Variants in EMSY observed in about 807,000 individuals in gnomAD.
The protein encoded by EMSY is BRCA2-interacting transcriptional repressor EMSY.
In EMSY, 26 loss-of-function variants were observed where a neutral mutation model predicts 134.6. That is an observed-to-expected ratio of 0.19 (90% CI 0.14 to 0.27). The LOEUF is 0.27. EMSY is among the 10% of genes least tolerant of loss of function. The pLI is 1.00. For missense variants in EMSY, 1,305 were observed against 1,611.4 expected (o/e 0.81, Z 3.26); for synonymous variants, 579 against 577.8 (o/e 1.00, Z -0.03).
At chr11:76,495,820 T>C (rs920450077) in intron 8 of EMSY, among the ~76,000 whole-genome samples, 1 of 152,188 alleles carries the variant, frequency 6.6e-6, no homozygotes, top group African/African-American at 2.4e-5. Context: ...GAAAAATATA[T>C]AACATATAAA....
At chr11:76,544,889 A>G (rs1951585247) in intron 19 of EMSY, 67 bp downstream of exon 20, 2 of 1,500,902 alleles carry the variant, frequency 1.3e-6, no homozygotes, top group African/African-American at 2.8e-5. Flanking sequence ...TGAGAACATC[A>G]CGACCCTATC....
intron 20 of EMSY, among the ~76,000 whole-genome samples, chr11:76,546,631 T>G (rs1349675766): frequency 6.6e-6 from 1 of 152,108 alleles, no homozygotes; most frequent in African/African-American, 2.4e-5. Flanking sequence ...GATAGGAAGT[T>G]TCTGGGTTCA....
At chr11:76,474,115 C>CAAAAAAAA (rs11407539) in intron 8 of EMSY, among the ~76,000 whole-genome samples, 1 of 128,680 alleles carries the variant, frequency 7.8e-6, no homozygotes. Flanking sequence ...GACCCTGTCT[C>CAAAAAAAA]AAAAAAAAAA....
chr11:76,480,023 A>G (rs549227181), intron 8 of EMSY, among the ~76,000 whole-genome samples: 6 of 152,228 alleles, frequency 3.9e-5, no homozygotes, highest in Non-Finnish European at 5.9e-5. Context: ...AGTTTTAAAA[A>G]TTTGTGGTGA....
rs555032673 is a variant in EMSY at position 76,540,684 on chromosome 11, G to A, written c.2557+1044G>A. On this transcript the variant is annotated intron_variant, in intron 17 of 20. Coordinates refer to ENST00000334736, the Ensembl canonical transcript of EMSY. The stretch of plus-strand genomic sequence containing the variant: ...AATACATAAATGGCATTTTTACATT[G>A]ATTTCCATAGTGATCATCTTACTCT... Among the ~76,000 whole-genome samples, 3 of 152,204 alleles carry A rather than the reference G, an allele frequency of 2.0e-5. No individual in the cohort carries two copies. In the East Asian group the frequency reaches 5.8e-4, roughly 29 times the overall value.
At chr11:76,511,853 G>T (rs1026751800) in intron 9 of EMSY, among the ~76,000 whole-genome samples, 2 of 151,924 alleles carry the variant, frequency 1.3e-5, no homozygotes, top group Non-Finnish European at 2.9e-5. Flanking sequence ...TGTTCATTAT[G>T]AACTTTACAG....
At chr11:76,530,246 G>A (rs1031334640) in intron 14 of EMSY, among the ~76,000 whole-genome samples, 12 of 139,910 alleles carry the variant, frequency 8.6e-5, no homozygotes, top group South Asian at 4.7e-4. Context: ...TGCAACCTCC[G>A]TCTCCTGGGT....
In EMSY at chr11:76,510,672, G is replaced by A. The variant is rs116018666; in HGVS notation, c.1364-2714G>A. ...AGCTTTGTCCACAAACTGGGGGCTG[G>A]GCAGAATAAGAGAGCTCTCACATCC... On this transcript the variant is annotated intron_variant, in intron 9 of 20. Transcript: ENST00000334736. Among the ~76,000 whole-genome samples, 714 of 152,294 alleles carry A rather than the reference G, an allele frequency of 4.7e-3. 4 individuals carry two copies. The highest frequency in any genetic ancestry group is 0.016 in the African/African-American group (667 of 41,562).
chr11:76,544,208 A>C, intron 18 of EMSY, 51 bp from the exon 20 acceptor site: 1 of 1,491,336 alleles, frequency 6.7e-7, no homozygotes, highest in East Asian at 2.3e-5. Context: ...AAAATGTAGC[A>C]ATGTAGATGT....
chr11:76,445,665 G>C (rs1027138582), intron 1 of EMSY, among the ~76,000 whole-genome samples: 3 of 152,164 alleles, frequency 2.0e-5, no homozygotes, highest in Non-Finnish European at 2.9e-5. Context: ...CTACTGCCCG[G>C]GTTTCCGATG....
In EMSY at chr11:76,539,602, G is replaced by T. The variant is rs374492099; in HGVS notation, c.2519G>T (p.Arg840Leu). The T allele has an allele frequency of 3.1e-6, 5 of 1,613,700 alleles. No homozygotes were observed. The African/African-American group carries it at 5.3e-5, about 17-fold the overall frequency. The stretch of plus-strand genomic sequence containing the variant: ...CTTCCCTTACTTATCCTTTCAGAAC[G>T]CACTGATGAGGGGACAGAGGTTGCT... The change falls in exon 17 of 21, where the codon CGC becomes CTC. Residue 840 changes from arginine (R) to leucine (L), a missense_variant. Transcript: ENST00000334736.
intron 12 of EMSY, among the ~76,000 whole-genome samples, chr11:76,525,054 T>C (rs1950797445): frequency 6.6e-6 from 1 of 152,142 alleles, no homozygotes; most frequent in Admixed American, 6.6e-5. Flanking sequence ...CACAATCACC[T>C]CTACTCACCA....
chr11:76,517,472 A>G (rs929775318), intron 11 of EMSY, among the ~76,000 whole-genome samples: 15 of 152,344 alleles, frequency 9.8e-5, no homozygotes, highest in Non-Finnish European at 2.2e-4. Flanking sequence ...AACATTTGTC[A>G]AAAAGGGATC....
intron 14 of EMSY, among the ~76,000 whole-genome samples, chr11:76,530,432 A>C (rs977514715): frequency 2.0e-5 from 3 of 152,154 alleles, no homozygotes; most frequent in South Asian, 4.1e-4. Flanking sequence ...AAGTGCTGGG[A>C]TTATAGGCGT....
intron 19 of EMSY, 122 bp from the exon 21 acceptor site, chr11:76,545,675 C>T: frequency 8.1e-7 from 1 of 1,228,906 alleles, no homozygotes; most frequent in African/African-American, 1.5e-5. Context: ...AAACAGCAAG[C>T]TTCAAAACTG....
rs780208701 is a variant in EMSY, at chr11:76,446,901, G to C, written c.-38G>C. 8 of 1,597,316 alleles carry C rather than the reference G, an allele frequency of 5.0e-6. No homozygotes were observed. In the Admixed American group the frequency reaches 5.2e-5, roughly 10 times the overall value. On this transcript the variant is annotated splice_region_variant and 5_prime_UTR_variant, in exon 2 of 21. Coordinates refer to ENST00000334736, the Ensembl canonical transcript of EMSY. The stretch of plus-strand genomic sequence containing the variant: ...GACTTTTTTTTTTTGTTCTGGTAGG[G>C]AGGACAAGCTCTTTGGGGCTACCAA...
intron 18 of EMSY, among the ~76,000 whole-genome samples, chr11:76,543,826 G>A (rs1951536438): frequency 6.6e-6 from 1 of 151,978 alleles, no homozygotes; most frequent in Admixed American, 6.5e-5. Context: ...CTTCCAGATA[G>A]CACTGGACCT....
intron 11 of EMSY, among the ~76,000 whole-genome samples, chr11:76,518,291 C>A (rs1950519416): frequency 6.6e-6 from 1 of 150,716 alleles, no homozygotes; most frequent in Non-Finnish European, 1.5e-5. Flanking sequence ...CCTCAGCCTT[C>A]CAGGTAGCTA....
At chr11:76,474,278 T>G (rs183130791) in intron 8 of EMSY, among the ~76,000 whole-genome samples, 14 of 152,228 alleles carry the variant, frequency 9.2e-5, no homozygotes, top group South Asian at 2.1e-4. Context: ...AGAGAGTGAT[T>G]AGAGGGAAGC....
Sources: gnomAD v4.1 joint callset for allele counts (sites outside exome capture counted in the v4.1 genomes callset) on GRCh38, gnomAD v4.1.1 for gene constraint, MANE v1.5 for transcripts, NCBI Gene and HGNC (gene_info 2026-07-23, HGNC 2026-07-21) for gene names.